FOXK2: variants seen among roughly 807,000 people sequenced by gnomAD.
The protein encoded by FOXK2 is forkhead box protein K2.
In FOXK2, 24 loss-of-function variants were observed where a neutral mutation model predicts 53.3. The observed-to-expected ratio is 0.45, with a 90% CI of 0.33 to 0.63. The LOEUF is 0.63. FOXK2 is among the 30% of genes least tolerant of loss of function. The probability of loss-of-function intolerance (pLI) is 0.03; values close to 1 mark genes in which losing one functional copy is unlikely to be tolerated. For missense variants in FOXK2, 952 were observed against 910.5 expected (o/e 1.05, Z -0.59); for synonymous variants, 505 against 407.1 (o/e 1.24, Z -2.89).
chr17:82,587,451 T>G (rs8068759), intron 8 of FOXK2, 179 bp downstream of exon 8: 2 of 622,736 alleles, frequency 3.2e-6, no homozygotes, highest in South Asian at 1.8e-5. Context: ...TCGGCCGTCA[T>G]GGGATTCCCG....
At chr17:82,556,828 G>C (rs2044730681) in intron 1 of FOXK2, among the ~76,000 whole-genome samples, 1 of 151,318 alleles carries the variant, frequency 6.6e-6, no homozygotes, top group African/African-American at 2.4e-5. Flanking sequence ...TCAGCCTCCT[G>C]AGTAATTGGG....
chr17:82,595,243 T>TG (rs1035281471), intron 8 of FOXK2, among the ~76,000 whole-genome samples: 10 of 152,220 alleles, frequency 6.6e-5, no homozygotes, highest in Non-Finnish European at 1.5e-4. Context: ...CCTTTCCTTG[T>TG]GACAGGTAAT....
chr17:82,547,349 A>G (rs1599889389), intron 1 of FOXK2, among the ~76,000 whole-genome samples: 1 of 152,194 alleles, frequency 6.6e-6, no homozygotes, highest in Non-Finnish European at 1.5e-5. Flanking sequence ...GTCTACACTA[A>G]CAAGAGCTGG....
At chr17:82,544,863 C>T (rs756962479) in intron 1 of FOXK2, among the ~76,000 whole-genome samples, 13 of 151,994 alleles carry the variant, frequency 8.6e-5, no homozygotes, top group Admixed American at 1.3e-4. Flanking sequence ...TACTGTCTGT[C>T]CCCCTTTCCT....
At chr17:82,567,982 G>GC (rs1302286513) in intron 2 of FOXK2, 72 bp from the exon 3 acceptor site, 1 of 1,096,372 alleles carries the variant, frequency 9.1e-7, no homozygotes, top group Non-Finnish European at 1.2e-6. Flanking sequence ...TGTAATTAAA[G>GC]CCAGTTGCTG....
At chr17:82,533,122 G>A (rs967686466) in intron 1 of FOXK2, among the ~76,000 whole-genome samples, 3 of 152,146 alleles carry the variant, frequency 2.0e-5, no homozygotes, top group African/African-American at 7.2e-5. Flanking sequence ...ACTTCCTGAA[G>A]GACCTACCTG....
intron 2 of FOXK2, among the ~76,000 whole-genome samples, chr17:82,564,211 C>T (rs2044829765): frequency 6.6e-6 from 1 of 151,686 alleles, no homozygotes; most frequent in Non-Finnish European, 1.5e-5. Flanking sequence ...CCTCAGCCTC[C>T]TGAGTAGCTG....
chr17:82,603,640 A>ATGAT lies in FOXK2; in HGVS notation c.*2142_*2145dup, dbSNP rs1344138668. On this transcript the variant is annotated 3_prime_UTR_variant, in exon 9 of 9. Transcript: ENST00000335255. ...TCTGATCCTGGAACGTGGACTTCAC[A>ATGAT]TGATAGGTCTGGATCTGTTTCTGTT... 6.6e-6 allele frequency: 1 copy of ATGAT among 152,098 alleles called. No individual in the cohort carries two copies. The highest frequency in any genetic ancestry group is 2.4e-5 in the African/African-American group (1 of 41,414). 9.4% of individuals were successfully genotyped at this position (152,098 alleles called of 1,614,324 possible).
chr17:82,551,338 AAT>A (rs1567971211), intron 1 of FOXK2, among the ~76,000 whole-genome samples: 3 of 151,046 alleles, frequency 2.0e-5, no homozygotes, highest in Non-Finnish European at 2.9e-5. Flanking sequence ...TTAAAAAAAA[AAT>A]AAAAATAAAC....
chr17:82,527,690 G>A lies in FOXK2; in HGVS notation c.419+7383G>A, dbSNP rs1050000905. Among the ~76,000 whole-genome samples the A allele has an allele frequency of 2.4e-4, 37 of 152,188 alleles. 1 individual carries two copies. The highest frequency in any genetic ancestry group is 6.5e-5 in the Admixed American group (1 of 15,280). On this transcript the variant is annotated intron_variant, in intron 1 of 8. Transcript: ENST00000335255. ...TTGTTATCACTGATTTGTAGACACA[G>A]AACACATTGCAGCTATTTTAGCATA...
At chr17:82,545,499 T>G (rs1274850666) in intron 1 of FOXK2, among the ~76,000 whole-genome samples, 1 of 152,148 alleles carries the variant, frequency 6.6e-6, no homozygotes, top group Non-Finnish European at 1.5e-5. Flanking sequence ...GGTAGACATT[T>G]AAAGTAATTT....
At chr17:82,537,284 T>C (rs2044529810) in intron 1 of FOXK2, among the ~76,000 whole-genome samples, 1 of 152,202 alleles carries the variant, frequency 6.6e-6, no homozygotes. Context: ...TAACATATTA[T>C]TAAATTTAAA....
Position 82,585,989 on chromosome 17 carries a change from C to T in FOXK2, c.1365C>T (p.Ala455=). 6.2e-7 allele frequency: 1 copy of T among 1,612,798 alleles called. No homozygotes were observed. Among genetic ancestry groups the T allele is most frequent in the Non-Finnish European group, 8.5e-7 (1 of 1,179,966 alleles). The change falls in exon 7 of 9, where the codon GCC becomes GCT. Residue 455 remains alanine, a synonymous_variant. Transcript: ENST00000335255. ...QAIKPVTYTV[A]TPVTTSTSQP... ...TCAAGCCTGTCACCTACACTGTGGC[C>T]ACCCCAGTGACCACCTCGACCTCCC...
chr17:82,587,385 T>C (rs755405302), intron 8 of FOXK2, 113 bp downstream of exon 8: 4 of 826,584 alleles, frequency 4.8e-6, no homozygotes, highest in South Asian at 3.1e-5. Context: ...TCTGAGGCAA[T>C]GTTTGCATTT....
chr17:82,587,934 G>C (rs140216631), intron 8 of FOXK2, among the ~76,000 whole-genome samples: 1 of 152,156 alleles, frequency 6.6e-6, no homozygotes, highest in South Asian at 2.1e-4. Flanking sequence ...TGGCGCTTGC[G>C]GGATCTCAAG....
At chr17:82,580,948 C>T (rs1185501125) in intron 4 of FOXK2, among the ~76,000 whole-genome samples, 1 of 152,248 alleles carries the variant, frequency 6.6e-6, no homozygotes, top group African/African-American at 2.4e-5. Flanking sequence ...CGTGAAGTAG[C>T]TCCATCCACA....
chr17:82,527,522 A>G (rs973724407), intron 1 of FOXK2, among the ~76,000 whole-genome samples: 1 of 152,000 alleles, frequency 6.6e-6, no homozygotes, highest in Non-Finnish European at 1.5e-5. Flanking sequence ...CCAGCAACTC[A>G]GGAGGCTGAG....
At position 82,584,033 on chromosome 17, in the gene FOXK2, A is replaced by C; in HGVS notation, c.1124A>C (p.Asn375Thr). Reference sequence around the variant, plus strand: ...CACAGGAGTGCCCCAGCCTCTCCCAATCACGCGGGAGTGCTGTCTGCTCAC... The same window carrying C: ...CACAGGAGTGCCCCAGCCTCTCCCACTCACGCGGGAGTGCTGTCTGCTCAC... ...LSSRSAPASP[N>T]HAGVLSAHSS... Residue 375 changes from asparagine to threonine, a missense_variant, in exon 6 of 9, where the codon AAT (asparagine) becomes ACT (threonine). Physicochemically the swap from Asn to Thr is moderately conservative, Grantham distance 65 (BLOSUM62 0). This residue lies in a region of FOXK2 where 160 missense variants were observed against 214.2 expected (regional missense o/e 0.75). Transcript: ENST00000335255. The C allele has an allele frequency of 1.2e-6, 2 of 1,603,532 alleles. No individual in the cohort carries two copies. The highest frequency in any genetic ancestry group is 1.7e-6 in the Non-Finnish European group (2 of 1,173,782).
intron 1 of FOXK2, among the ~76,000 whole-genome samples, chr17:82,556,558 TGCTGGG>T (rs372908472): frequency 0.19 from 26,805 of 144,590 alleles, 2,721 homozygotes; most frequent in Non-Finnish European, 0.24. Flanking sequence ...TCCCTCACCT[TGCTGGG>T]GCTGGGGCTG....
Sources: allele counts gnomAD v4.1 joint callset (sites outside exome capture counted in the v4.1 genomes callset), GRCh38; gene constraint gnomAD v4.1.1; regional missense constraint gnomAD v4.1.1; transcripts MANE v1.5; gene names NCBI Gene and HGNC (gene_info 2026-07-23, HGNC 2026-07-21).